The following CNPPD1 variants were observed in gnomAD, a reference collection of about 807,000 sequenced individuals.
CNPPD1 encodes the protein cyclin Pas1/PHO80 domain containing 1, also known as protein CNPPD1.
CNPPD1 carries 40 observed loss-of-function variants against 43.7 expected under a neutral mutation model. That is an observed-to-expected ratio of 0.92 (90% CI 0.71 to 1.19). The LOEUF is 1.19. Among genes scored for constraint, CNPPD1 ranks in the 50% most tolerant of loss-of-function variants. The pLI is 0.00. For missense variants in CNPPD1, 511 were observed against 518.5 expected (o/e 0.99, Z 0.14); for synonymous variants, 208 against 214.3 (o/e 0.97, Z 0.26).
In CNPPD1 at chr2:219,176,748, A is replaced by C; in HGVS notation, c.69+12T>G. ...GCCGGGAGGCCGGGGAGGGGGCGGG[A>C]CCCCCACTCACCGTGAAGTCCTGGA... On this transcript the variant is annotated intron_variant, in intron 1 of 7. Coordinates refer to ENST00000360507, the MANE Select transcript of CNPPD1 (RefSeq NM_015680.6). 6.4e-7 allele frequency: 1 copy of C among 1,557,466 alleles called. No individual in the cohort carries two copies. Among genetic ancestry groups the C allele is most frequent in the Non-Finnish European group, 8.7e-7 (1 of 1,149,448 alleles).
rs747633033 is a variant in CNPPD1 at position 219,175,656 on chromosome 2, C to T, written c.195G>A (p.Leu65=). The T allele has an allele frequency of 1.9e-6, 3 of 1,613,882 alleles. No homozygotes were observed. The highest frequency in any genetic ancestry group is 1.3e-5 in the African/African-American group (1 of 74,908). ...TAGGGCTGGGGGCTGCCTTCTGGAG[C>T]AGTTCGACAGCAATGTCTGCAAGGG... The part of the protein sequence containing the change: ...SSPVADIAVE[L]LQKAAPSPIR... The change falls in exon 3 of 8, where the codon CTG becomes CTA. Residue 65 remains leucine (L), a synonymous_variant. Transcript: ENST00000360507.
chr2:219,177,567 A>T (rs1030791186), upstream of CNPPD1: 2 of 151,552 alleles, frequency 1.3e-5, no homozygotes, highest in Non-Finnish European at 2.9e-5. Flanking sequence ...TTTTTACTGT[A>T]ATTTGAACTT....
Position 219,175,600 on chromosome 2 carries a change from T to C in CNPPD1, c.251A>G (p.His84Arg), listed in dbSNP as rs1049845867. The C allele has an allele frequency of 8.7e-6, 14 of 1,611,298 alleles. No homozygotes were observed. In the African/African-American group the frequency reaches 1.7e-4, roughly 20 times the overall value. The change falls in exon 3 of 8, where the codon CAT becomes CGT. Residue 84 changes from histidine to arginine, a missense_variant. His to Arg is a conservative substitution (Grantham distance 29). Transcript: ENST00000360507. ...TCATTTCCAGGCTCACCGGGACACA[T>C]GAGCTACATATTTCTTCTGGAGTCG... is the stretch of plus-strand genomic sequence containing the variant. ...IRRLQKKYVAHVSREACISPC... is the reference protein window; with the variant it reads ...IRRLQKKYVARVSREACISPC...
At chr2:219,176,133 A>AGCCAC (rs1445357832) in intron 2 of CNPPD1, 90 bp downstream of exon 2, 1 of 908,876 alleles carries the variant, frequency 1.1e-6, no homozygotes, top group African/African-American at 1.6e-5. Context: ...GAGACAGTGT[A>AGCCAC]GCCACGGGGC....
rs764079379 is a variant in CNPPD1 at position 219,172,585 on chromosome 2, C to G, written c.*1G>C. ...TCTTAATGCATTCCTCACAGCCCTACCTAGCCTGGGAAAACGAAAGACTTG... is the reference window on the plus strand; with the variant it reads ...TCTTAATGCATTCCTCACAGCCCTAGCTAGCCTGGGAAAACGAAAGACTTG... On this transcript the variant is annotated 3_prime_UTR_variant, in exon 8 of 8. Coordinates refer to ENST00000360507, the MANE Select transcript of CNPPD1 (RefSeq NM_015680.6). 7.1e-5 allele frequency: 114 copies of G among 1,613,976 alleles called. 1 individual carries two copies. The South Asian group carries it at 1.1e-3, about 16-fold the overall frequency.
chr2:219,173,528 C>T, intron 6 of CNPPD1, 61 bp from the exon 7 acceptor site: 1 of 1,447,102 alleles, frequency 6.9e-7, no homozygotes, highest in Non-Finnish European at 9.7e-7. Flanking sequence ...CCAGTGGCAC[C>T]CTCATACCAC....
chr2:219,173,873 C>T (rs538451913), intron 6 of CNPPD1, among the ~76,000 whole-genome samples: 7 of 152,060 alleles, frequency 4.6e-5, no homozygotes, highest in Admixed American at 2.6e-4. Context: ...AACTCCTGGA[C>T]CCAAGTAATC....
intron 1 of CNPPD1, 84 bp from the exon 2 acceptor site, chr2:219,176,415 G>A (rs1934873357): frequency 9.1e-6 from 10 of 1,093,694 alleles, no homozygotes; most frequent in Non-Finnish European, 1.4e-5. Flanking sequence ...AGGCGGGGCA[G>A]GGGACAGGCC....
At chr2:219,173,962 C>G (rs552539261) in intron 6 of CNPPD1, among the ~76,000 whole-genome samples, 184 bp downstream of exon 6, 1 of 152,300 alleles carries the variant, frequency 6.6e-6, no homozygotes, top group South Asian at 2.1e-4. Flanking sequence ...TTTAAATAAG[C>G]TGCTTCTCAC....
chr2:219,174,707 G>C, intron 5 of CNPPD1, 71 bp downstream of exon 5: 2 of 1,513,232 alleles, frequency 1.3e-6, no homozygotes, highest in East Asian at 4.5e-5. Flanking sequence ...AAGACTGAGA[G>C]AGAACAAAGG....
chr2:219,173,249 T>C, intron 7 of CNPPD1, 101 bp downstream of exon 7: 1 of 1,425,902 alleles, frequency 7.0e-7, no homozygotes, highest in Non-Finnish European at 9.7e-7. Flanking sequence ...TGCCCATCTA[T>C]TCCCAACCCC....
At chr2:219,176,100 A>G in intron 2 of CNPPD1, 123 bp downstream of exon 2, 1 of 707,424 alleles carries the variant, frequency 1.4e-6, no homozygotes, top group Admixed American at 2.4e-5. Context: ...TCTTGAACCA[A>G]GTACCAACGA....
upstream of CNPPD1, chr2:219,177,131 G>C (rs973799815): frequency 9.4e-6 from 3 of 317,930 alleles, no homozygotes; most frequent in African/African-American, 6.5e-5. Flanking sequence ...AGATGCGGCT[G>C]CGAGGCGCGT....
Position 219,176,224 on chromosome 2 carries a change from T to G in CNPPD1, c.177A>C (p.Ala59=). Residue 59 remains alanine (A), a splice_region_variant and synonymous_variant, in exon 2 of 8, where the codon GCA becomes GCC. Coordinates refer to ENST00000360507, the MANE Select transcript of CNPPD1 (RefSeq NM_015680.6). Reference sequence around the variant, plus strand: ...TCCAGTCACACAACACTGCCTAACCTGCCACCGGGCTGGAGAGCTCCTCCA... The same window carrying G: ...TCCAGTCACACAACACTGCCTAACCGGCCACCGGGCTGGAGAGCTCCTCCA... ...CSLEELSSPV[A]DIAVELLQKA... The G allele has an allele frequency of 6.2e-7, 1 of 1,609,972 alleles. No individual in the cohort carries two copies. The highest frequency in any genetic ancestry group is 1.7e-5 in the Admixed American group (1 of 60,026).
At chr2:219,173,241 C>T in intron 7 of CNPPD1, 109 bp downstream of exon 7, 1 of 1,399,336 alleles carries the variant, frequency 7.1e-7, no homozygotes, top group Non-Finnish European at 9.9e-7. Flanking sequence ...CCCCACTCTG[C>T]CCATCTATTC....
chr2:219,172,848 G>T lies in CNPPD1; in HGVS notation c.971C>A (p.Pro324Gln), dbSNP rs144214406. 3 of 1,588,692 alleles carry T rather than the reference G, an allele frequency of 1.9e-6. No individual in the cohort carries two copies. The highest frequency in any genetic ancestry group is 2.6e-6 in the Non-Finnish European group (3 of 1,166,556). Residue 324 changes from proline (P) to glutamine (Q), a missense_variant, in exon 8 of 8, where the codon CCA (proline) becomes CAA (glutamine). Coordinates refer to ENST00000360507, the MANE Select transcript of CNPPD1 (RefSeq NM_015680.6). The part of the protein sequence containing the change: ...ASLTPPPLPP[P>Q]DPPAPPTLLH... ...AAGAGTGGGAGGGGCAGGGGGGTCTGGGGGAGGCAATGGTGGAGGAGTCAG... is the reference window on the plus strand; with the variant it reads ...AAGAGTGGGAGGGGCAGGGGGGTCTTGGGGAGGCAATGGTGGAGGAGTCAG...
upstream of CNPPD1, chr2:219,177,910 G>C (rs1257521005): frequency 6.6e-6 from 1 of 152,618 alleles, no homozygotes; most frequent in Non-Finnish European, 1.5e-5. Context: ...TGAGTAATGG[G>C]ACGGCCACCG....
rs375291651 is a variant in CNPPD1 at position 219,172,902 on chromosome 2, C to G, written c.917G>C (p.Arg306Pro). 1 of 1,609,684 alleles carries G rather than the reference C, an allele frequency of 6.2e-7. No individual in the cohort carries two copies. The highest frequency in any genetic ancestry group is 1.7e-5 in the Admixed American group (1 of 59,688). The change falls in exon 8 of 8, where the codon CGG becomes CCG. Residue 306 changes from arginine (R) to proline (P), a missense_variant. By Grantham distance (103) the Arg-to-Pro change is moderately radical. Coordinates refer to ENST00000360507, the MANE Select transcript of CNPPD1 (RefSeq NM_015680.6). ...SSCLEGSMGL[R>P]SLWGSLLASL... ...GGCCAGAAGACTGCCCCAGAGTGACCGCAGCCCCATGCTGCCTTCCAGGCA... is the reference window on the plus strand; with the variant it reads ...GGCCAGAAGACTGCCCCAGAGTGACGGCAGCCCCATGCTGCCTTCCAGGCA...
At chr2:219,177,589 GCTA>G (rs1451167478), upstream of CNPPD1, 1 of 151,894 alleles carries the variant, frequency 6.6e-6, no homozygotes, top group Non-Finnish European at 1.5e-5. Context: ...TAAACCTAAG[GCTA>G]CTGAGGAAAT....
Sources: gnomAD v4.1 joint callset for allele counts (sites outside exome capture counted in the v4.1 genomes callset) on GRCh38, gnomAD v4.1.1 for gene constraint, MANE v1.5 for transcripts, NCBI Gene and HGNC (gene_info 2026-07-23, HGNC 2026-07-21) for gene names.